NELL1: variants seen among roughly 807,000 people sequenced by gnomAD.
NELL1 encodes neural EGFL like 1, also known as protein kinase C-binding protein NELL1.
Under a neutral mutation model 107.4 loss-of-function variants are expected in NELL1, and 76 were observed. That is an observed-to-expected ratio of 0.71 (90% CI 0.59 to 0.86). The LOEUF (loss-of-function observed/expected upper bound fraction) is 0.86, where lower values mean the gene tolerates loss of function less well. Among genes scored for constraint, NELL1 ranks in the 40% least tolerant of loss-of-function variants. NELL1 has a pLI of 0.00. For missense variants in NELL1, 1,024 were observed against 1,005.5 expected, an observed-to-expected ratio of 1.02 and a Z score of -0.25; for synonymous variants, 353 against 341.2, an observed-to-expected ratio of 1.03 and a Z score of -0.38.
At position 21,282,510 on chromosome 11, in the gene NELL1, A is replaced by G. The variant is rs532475554; in HGVS notation, c.1549+53056A>G. Among the ~76,000 whole-genome samples the G allele has an allele frequency of 2.6e-5, 4 of 151,764 alleles. No homozygotes were observed. In the South Asian group the frequency reaches 8.3e-4, roughly 32 times the overall value. On this transcript the variant is annotated intron_variant, in intron 14 of 19. Transcript: ENST00000357134. ...AAAAAAAAAAAAAAGGCTTATATGC[A>G]AAAGATCAGCAATAAGATGCCGGCA...
At chr11:21,157,685 A>G (rs1856273597) in intron 13 of NELL1, among the ~76,000 whole-genome samples, 1 of 152,210 alleles carries the variant, frequency 6.6e-6, no homozygotes, top group Non-Finnish European at 1.5e-5. Context: ...GCAATATGAC[A>G]TAGTAGTTTA....
intron 2 of NELL1, among the ~76,000 whole-genome samples, chr11:20,778,911 AGCCC>A (rs1219073076): frequency 6.6e-6 from 1 of 152,184 alleles, no homozygotes; most frequent in Non-Finnish European, 1.5e-5. Context: ...GGGAAGCACC[AGCCC>A]ACCCAGTTCC....
At chr11:21,491,698 T>G (rs1016480908) in intron 15 of NELL1, among the ~76,000 whole-genome samples, 2 of 152,132 alleles carry the variant, frequency 1.3e-5, no homozygotes, top group African/African-American at 4.8e-5. Flanking sequence ...TTTGGTTCCA[T>G]ATGAACTTTA....
intron 15 of NELL1, among the ~76,000 whole-genome samples, chr11:21,494,097 T>C (rs1339559945): frequency 1.3e-5 from 2 of 152,012 alleles, no homozygotes; most frequent in Non-Finnish European, 2.9e-5. Flanking sequence ...CATTTACATA[T>C]AGTATTAACA....
intron 4 of NELL1, among the ~76,000 whole-genome samples, chr11:20,870,670 A>G (rs1017566082): frequency 2.0e-5 from 3 of 152,142 alleles, no homozygotes; most frequent in East Asian, 1.9e-4. Flanking sequence ...CCAAACTTCA[A>G]TTTTTCTTCC....
chr11:21,359,012 T>A (rs925771063), intron 14 of NELL1, among the ~76,000 whole-genome samples: 4 of 152,140 alleles, frequency 2.6e-5, no homozygotes, highest in Non-Finnish European at 1.5e-5. Flanking sequence ...TCCGGCACTA[T>A]GTTGAATAGA....
intron 13 of NELL1, among the ~76,000 whole-genome samples, chr11:21,115,939 C>T (rs1303187788): frequency 6.6e-6 from 1 of 151,812 alleles, no homozygotes; most frequent in African/African-American, 2.4e-5. Flanking sequence ...AAAAAGCCTT[C>T]CTTTGATCCC....
intron 12 of NELL1, among the ~76,000 whole-genome samples, chr11:20,984,965 C>T (rs1189047412): frequency 3.9e-5 from 6 of 152,142 alleles, no homozygotes; most frequent in Non-Finnish European, 8.8e-5. Flanking sequence ...TAGTGGTTTC[C>T]TCTCAGTTAC....
intron 13 of NELL1, among the ~76,000 whole-genome samples, chr11:21,137,573 G>C (rs1041863585): frequency 6.6e-6 from 1 of 152,208 alleles, no homozygotes; most frequent in Non-Finnish European, 1.5e-5. Context: ...CAAAGGATTA[G>C]AAAGAATTGG....
intron 15 of NELL1, among the ~76,000 whole-genome samples, chr11:21,468,990 G>T (rs1413756191): frequency 6.6e-6 from 1 of 151,442 alleles, no homozygotes; most frequent in African/African-American, 2.4e-5. Context: ...AATTCTGGGT[G>T]TTTTTTTTGT....
chr11:21,052,209 G>A (rs939445587), intron 12 of NELL1, among the ~76,000 whole-genome samples: 4 of 152,054 alleles, frequency 2.6e-5, no homozygotes, highest in Non-Finnish European at 5.9e-5. Context: ...GGGGGAAAGT[G>A]GGATGTGAAG....
intron 2 of NELL1, among the ~76,000 whole-genome samples, chr11:20,708,302 C>T (rs573132770): frequency 1.4e-4 from 22 of 152,354 alleles, no homozygotes; most frequent in Admixed American, 9.1e-4. Context: ...CCGGGTGAGG[C>T]GATGCCCCGC....
At chr11:21,348,876 T>C (rs1565181345) in intron 14 of NELL1, among the ~76,000 whole-genome samples, 1 of 152,184 alleles carries the variant, frequency 6.6e-6, no homozygotes, top group Non-Finnish European at 1.5e-5. Context: ...AGGTAACATA[T>C]ATGGAAAACA....
At chr11:21,352,131 T>G (rs1850832069) in intron 14 of NELL1, among the ~76,000 whole-genome samples, 1 of 152,170 alleles carries the variant, frequency 6.6e-6, no homozygotes. Context: ...TCTTCCTTTA[T>G]GTTTGTGCCA....
In NELL1 at chr11:21,230,792, G is replaced by T. The variant is rs1276747775; in HGVS notation, c.1549+1338G>T. ...AGCAGAAAGCCTAATACATGACTAT[G>T]AGTGTAAATTGGTAAAACTCATTTT... On this transcript the variant is annotated intron_variant, in intron 14 of 19. Coordinates refer to ENST00000357134, the MANE Select transcript of NELL1 (RefSeq NM_006157.5). Among the ~76,000 whole-genome samples, 2 of 140,340 alleles carry T rather than the reference G, an allele frequency of 1.4e-5. 1 individual carries two copies. The highest frequency in any genetic ancestry group is 3.1e-5 in the Non-Finnish European group (2 of 65,044). The allele number at this position is 140,340 out of a possible 152,430, so 92.1% of individuals were successfully genotyped here.
chr11:21,197,177 G>A (rs1402462602), intron 13 of NELL1, among the ~76,000 whole-genome samples: 4 of 150,724 alleles, frequency 2.7e-5, no homozygotes, highest in Non-Finnish European at 4.4e-5. Flanking sequence ...TCACCCAACC[G>A]GTCTTATTTA....
intron 12 of NELL1, among the ~76,000 whole-genome samples, chr11:21,107,015 A>T (rs1024360321): frequency 6.6e-6 from 1 of 152,180 alleles, no homozygotes; most frequent in Non-Finnish European, 1.5e-5. Flanking sequence ...AAGTATTTTT[A>T]GAGCAGTTCT....
At chr11:20,885,597 G>T (rs1276265002) in intron 5 of NELL1, 57 bp downstream of exon 5, 1 of 1,093,222 alleles carries the variant, frequency 9.1e-7, no homozygotes. Flanking sequence ...TCAGTTTTCT[G>T]TGTTATTTAT....
At chr11:21,189,613 G>C (rs554928571) in intron 13 of NELL1, among the ~76,000 whole-genome samples, 2 of 150,206 alleles carry the variant, frequency 1.3e-5, no homozygotes, top group East Asian at 3.9e-4. Context: ...TAATTTACTT[G>C]TATCACCTTT....
Sources: allele counts gnomAD v4.1 joint callset (sites outside exome capture counted in the v4.1 genomes callset), GRCh38; gene constraint gnomAD v4.1.1; transcripts MANE v1.5; gene names NCBI Gene and HGNC (gene_info 2026-07-23, HGNC 2026-07-21).